PCDH15: variants seen among roughly 807,000 people sequenced by gnomAD.
PCDH15 encodes the protein protocadherin related 15.
A neutral mutation model predicts 178.5 loss-of-function variants in PCDH15; 129 were observed. The ratio of observed to expected loss-of-function variants is 0.72; its 90% CI spans 0.63 to 0.84. PCDH15 has a LOEUF of 0.84. Among genes scored for constraint, PCDH15 ranks in the 40% least tolerant of loss-of-function variants. The probability of loss-of-function intolerance (pLI) is 0.00; values close to 1 mark genes in which losing one functional copy is unlikely to be tolerated. For missense variants in PCDH15, 2,230 were observed against 2,099.9 expected (o/e 1.06, Z -1.21); for synonymous variants, 800 against 732.0 (o/e 1.09, Z -1.50).
At chr10:55,013,818 T>C (rs905670907) in intron 2 of PCDH15, among the ~76,000 whole-genome samples, 2 of 152,118 alleles carry the variant, frequency 1.3e-5, no homozygotes, top group African/African-American at 4.8e-5. Flanking sequence ...TTAAACATTT[T>C]AAAATCAGTG....
chr10:54,256,146 TC>T (rs2056879876), intron 8 of PCDH15, among the ~76,000 whole-genome samples: 1 of 152,120 alleles, frequency 6.6e-6, no homozygotes. Flanking sequence ...CACTTGGGAA[TC>T]AGGTGATGTC....
At chr10:54,037,767 C>G (rs2093450237) in intron 18 of PCDH15, among the ~76,000 whole-genome samples, 1 of 151,874 alleles carries the variant, frequency 6.6e-6, no homozygotes, top group Non-Finnish European at 1.5e-5. Flanking sequence ...ACCTATCTAC[C>G]AAGAATCTTT....
At chr10:55,278,910 A>G (rs940956738) in intron 1 of PCDH15, among the ~76,000 whole-genome samples, 1 of 152,186 alleles carries the variant, frequency 6.6e-6, no homozygotes, top group Non-Finnish European at 1.5e-5. Context: ...GCCTCAGGCA[A>G]ACCCACACTC....
At chr10:54,611,827 C>T (rs2134253548) in intron 2 of PCDH15, among the ~76,000 whole-genome samples, 1 of 151,940 alleles carries the variant, frequency 6.6e-6, no homozygotes, top group Middle Eastern at 3.4e-3. Context: ...CACCATATTC[C>T]TACTTGTTTT....
At chr10:54,309,765 C>T (rs763064477) in intron 8 of PCDH15, among the ~76,000 whole-genome samples, 3 of 151,658 alleles carry the variant, frequency 2.0e-5, no homozygotes, top group Non-Finnish European at 2.9e-5. Context: ...CACTGCACTG[C>T]CTTGGTGACA....
At chr10:54,816,775 A>G (rs1305264655) in intron 3 of PCDH15, among the ~76,000 whole-genome samples, 1 of 152,078 alleles carries the variant, frequency 6.6e-6, no homozygotes, top group Non-Finnish European at 1.5e-5. Flanking sequence ...TGTGGTCCAC[A>G]AATATTTTTT....
intron 2 of PCDH15, among the ~76,000 whole-genome samples, chr10:55,573,145 G>A (rs969836416): frequency 1.3e-5 from 2 of 152,112 alleles, no homozygotes; most frequent in African/African-American, 2.4e-5. Flanking sequence ...AGCTGCAGAT[G>A]TAATGAGTTT....
At chr10:55,316,908 T>C (rs2132294874) in intron 1 of PCDH15, among the ~76,000 whole-genome samples, 1 of 152,296 alleles carries the variant, frequency 6.6e-6, no homozygotes, top group African/African-American at 2.4e-5. Context: ...TACTGAGCTT[T>C]CCCCCAGCAC....
chr10:55,537,119 C>T (rs1383035808), intron 2 of PCDH15, among the ~76,000 whole-genome samples: 1 of 151,918 alleles, frequency 6.6e-6, no homozygotes, highest in African/African-American at 2.4e-5. Context: ...ATATTATTAA[C>T]CGAGACTAAA....
intron 26 of PCDH15, among the ~76,000 whole-genome samples, chr10:53,898,401 CTAAT>C (rs147720075): frequency 1.2e-4 from 18 of 152,212 alleles, no homozygotes; most frequent in African/African-American, 3.4e-4. Flanking sequence ...CTGATATTAA[CTAAT>C]TGTTTTAAAG....
chr10:55,223,614 G>A (rs1235145840), intron 1 of PCDH15, among the ~76,000 whole-genome samples: 1 of 151,988 alleles, frequency 6.6e-6, no homozygotes, highest in African/African-American at 2.4e-5. Flanking sequence ...TACAGATTTG[G>A]AAACATCTTC....
At chr10:54,870,776 A>G (rs1305117197) in intron 3 of PCDH15, among the ~76,000 whole-genome samples, 1 of 146,512 alleles carries the variant, frequency 6.8e-6, no homozygotes, top group Non-Finnish European at 1.5e-5. Flanking sequence ...ACAGAGAGAG[A>G]CTCCCTCTCA....
rs545794506 is a variant in PCDH15 at position 54,364,764 on chromosome 10, A to G, written c.474+4356T>C. On this transcript the variant is annotated intron_variant, in intron 5 of 37. Coordinates refer to ENST00000644397, the MANE Select transcript of PCDH15 (RefSeq NM_001384140.1). The stretch of plus-strand genomic sequence containing the variant: ...CAGTCAGAAGTCAGAGATAGCTCTC[A>G]CCAAGCTAAAATCAAAATGTCTGTA... Among the ~76,000 whole-genome samples the G allele has an allele frequency of 4.0e-4, 61 of 152,302 alleles. 1 individual carries two copies. The highest frequency in any genetic ancestry group is 1.4e-3 in the African/African-American group (59 of 41,574).
At chr10:54,516,508 G>T (rs2082237678) in intron 3 of PCDH15, among the ~76,000 whole-genome samples, 1 of 151,896 alleles carries the variant, frequency 6.6e-6, no homozygotes, top group Non-Finnish European at 1.5e-5. Context: ...GAAGTTTAGA[G>T]AAAAAAGAAT....
intron 21 of PCDH15, among the ~76,000 whole-genome samples, chr10:53,962,339 A>G (rs1001072287): frequency 6.6e-6 from 1 of 152,150 alleles, no homozygotes; most frequent in Non-Finnish European, 1.5e-5. Flanking sequence ...TAGCCTCCCA[A>G]GTAGCTGGGA....
In PCDH15 at chr10:54,853,318, T is replaced by TATATATACAC. The variant is rs1194965974; in HGVS notation, c.-29+44131_-29+44132insGTGTATATAT. 3.6e-3 allele frequency among the ~76,000 whole-genome samples: 367 copies of TATATATACAC among 101,960 alleles called. 5 individuals are homozygous for TATATATACAC. The highest frequency in any genetic ancestry group is 0.013 in the African/African-American group (308 of 23,322). The allele number at this position is 101,960 out of a possible 152,430, so 66.9% of individuals were successfully genotyped here. ...ATATATATATATATATATATATATA[T>TATATATACAC]ACATACACACACATATACATATATA... On this transcript the variant is annotated intron_variant, in intron 3 of 5. Coordinates refer to the PCDH15 transcript ENST00000458638.
At chr10:54,729,422 G>C (rs1943035533) in intron 1 of PCDH15, among the ~76,000 whole-genome samples, 1 of 151,452 alleles carries the variant, frequency 6.6e-6, no homozygotes, top group Non-Finnish European at 1.5e-5. Flanking sequence ...ATGGATTTAA[G>C]ACTTAAATGA....
chr10:53,904,623 C>G (rs1358487288), intron 25 of PCDH15, among the ~76,000 whole-genome samples: 1 of 152,056 alleles, frequency 6.6e-6, no homozygotes, highest in Non-Finnish European at 1.5e-5. Flanking sequence ...CATGCTAGCG[C>G]AACAGATTAG....
Position 54,194,744 on chromosome 10 carries a change from A to C in PCDH15, c.1305+939T>G, listed in dbSNP as rs1040080592. On this transcript the variant is annotated intron_variant, in intron 11 of 37. Coordinates refer to ENST00000644397, the MANE Select transcript of PCDH15 (RefSeq NM_001384140.1). ...TATGTCTATCTATCTATCTATCTAT[A>C]TATATACACAAAACATATGTATACA... Among the ~76,000 whole-genome samples the C allele has an allele frequency of 3.3e-5, 5 of 151,860 alleles. No individual in the cohort carries two copies. In the South Asian group the frequency reaches 8.3e-4, roughly 25 times the overall value.
Sources: allele counts gnomAD v4.1 joint callset (sites outside exome capture counted in the v4.1 genomes callset), GRCh38; gene constraint gnomAD v4.1.1; transcripts MANE v1.5; gene names NCBI Gene and HGNC (gene_info 2026-07-23, HGNC 2026-07-21).